The following TNFRSF9 variants were observed in gnomAD, a reference collection of about 807,000 sequenced individuals.
TNFRSF9 encodes TNF receptor superfamily member 9.
TNFRSF9 carries 16 observed loss-of-function variants against 28.8 expected under a neutral mutation model. That is an observed-to-expected ratio of 0.55 (90% CI 0.38 to 0.84). The LOEUF (loss-of-function observed/expected upper bound fraction) is 0.84, where lower values mean the gene tolerates loss of function less well. TNFRSF9 is among the 40% of genes least tolerant of loss of function. TNFRSF9 has a pLI of 0.00. For missense variants in TNFRSF9, 303 were observed against 315.0 expected, an observed-to-expected ratio of 0.96 and a Z score of 0.29; for synonymous variants, 131 against 117.0, an observed-to-expected ratio of 1.12 and a Z score of -0.77.
intron 6 of TNFRSF9, 77 bp from the exon 7 acceptor site, chr1:7,933,373 G>A: frequency 1.3e-6 from 2 of 1,482,318 alleles, no homozygotes; most frequent in Non-Finnish European, 1.8e-6. Context: ...ATTTACATTG[G>A]TAAATTTCTA....
intron 5 of TNFRSF9, 55 bp downstream of exon 5, chr1:7,937,635 C>T (rs1256597081): frequency 6.8e-7 from 1 of 1,473,828 alleles, no homozygotes; most frequent in Admixed American, 1.7e-5. Context: ...TCCTTATCTT[C>T]CAAAAAATTT....
rs1351150562 is a variant in TNFRSF9 at position 7,916,835 on chromosome 1, C to G, written c.*4000G>C. On this transcript the variant is annotated 3_prime_UTR_variant, in exon 8 of 8. Transcript: ENST00000377507. ...AAATTATCAACTCTCCCTAAATTGA[C>G]CTGTAGATTTAATGAAATTCCAATC... 1 of 152,144 alleles carries G rather than the reference C, an allele frequency of 6.6e-6. No individual in the cohort carries two copies. Among genetic ancestry groups the G allele is most frequent in the East Asian group, 1.9e-4 (1 of 5,202 alleles). The allele number at this position is 152,144 out of a possible 1,614,324, so 9.4% of individuals were successfully genotyped here.
In TNFRSF9 at chr1:7,931,609, T is replaced by C. The variant is rs187307306; in HGVS notation, c.679+1553A>G. Among the ~76,000 whole-genome samples, 19 of 152,340 alleles carry C rather than the reference T, an allele frequency of 1.2e-4. 1 individual carries two copies. The East Asian group carries it at 2.7e-3, about 22-fold the overall frequency. Reference sequence around the variant, plus strand: ...CTACAGCAAAAGGAAGTTAATACCATACAAGTCTAGATGTGGTTAGCAGTA... The same window carrying C: ...CTACAGCAAAAGGAAGTTAATACCACACAAGTCTAGATGTGGTTAGCAGTA... On this transcript the variant is annotated intron_variant, in intron 7 of 7. Transcript: ENST00000377507.
At chr1:7,932,994 A>C in intron 7 of TNFRSF9, 168 bp downstream of exon 7, 1 of 758,146 alleles carries the variant, frequency 1.3e-6, no homozygotes, top group South Asian at 2.0e-5. Flanking sequence ...TGAACACTGC[A>C]ACTGTCTCCA....
At position 7,927,498 on chromosome 1, in the gene TNFRSF9, C is replaced by A. The variant is rs9658018; in HGVS notation, c.679+5664G>T. On this transcript the variant is annotated intron_variant, in intron 7 of 7. Coordinates refer to ENST00000377507, the MANE Select transcript of TNFRSF9 (RefSeq NM_001561.6). Reference sequence around the variant, plus strand: ...CGTCTTTTATTCCCGCTTTTGCCCCCCTTTGTTCAGTCCAATAGGTCCACA... The same window carrying A: ...CGTCTTTTATTCCCGCTTTTGCCCCACTTTGTTCAGTCCAATAGGTCCACA... Among the ~76,000 whole-genome samples the A allele has an allele frequency of 3.3e-3, 495 of 152,186 alleles. 1 individual carries two copies. Among genetic ancestry groups the A allele is most frequent in the African/African-American group, 0.011 (467 of 41,510 alleles).
At position 7,916,391 on chromosome 1, in the gene TNFRSF9, G is replaced by T. The variant is rs1639478312; in HGVS notation, c.*4444C>A. ...CAAGTTCCTGTGTTTTTCATTTATA[G>T]CTTTTGCACATGATACCAGAATAGG... On this transcript the variant is annotated 3_prime_UTR_variant, in exon 8 of 8. Coordinates refer to ENST00000377507, the MANE Select transcript of TNFRSF9 (RefSeq NM_001561.6). 1 of 152,134 alleles carries T rather than the reference G, an allele frequency of 6.6e-6. No homozygotes were observed. 9.4% of individuals were successfully genotyped at this position (152,134 alleles called of 1,614,324 possible).
intron 7 of TNFRSF9, among the ~76,000 whole-genome samples, chr1:7,921,394 G>A (rs1246270916): frequency 2.0e-5 from 3 of 148,586 alleles, no homozygotes; most frequent in African/African-American, 7.5e-5. Context: ...CAGGCCGGGC[G>A]CAGTGGCTCA....
intron 7 of TNFRSF9, among the ~76,000 whole-genome samples, chr1:7,930,984 T>C (rs1273428831): frequency 6.6e-6 from 1 of 152,144 alleles, no homozygotes; most frequent in Non-Finnish European, 1.5e-5. Flanking sequence ...ATCAGGCCCT[T>C]CACTAAAGAG....
chr1:7,938,852 T>C, intron 2 of TNFRSF9, 24 bp from the exon 3 acceptor site: 1 of 1,554,190 alleles, frequency 6.4e-7, no homozygotes, highest in African/African-American at 1.4e-5. Context: ...ACAATAGTGG[T>C]ACACGTTTGA....
rs1639843948 is a variant in TNFRSF9 at position 7,937,859 on chromosome 1, G to C, written c.347-103C>G. 6.1e-6 allele frequency: 6 copies of C among 987,814 alleles called. No individual in the cohort carries two copies. The South Asian group carries it at 9.0e-5, about 15-fold the overall frequency. The allele number at this position is 987,814 out of a possible 1,614,324, so 61.2% of individuals were successfully genotyped here. A position where few individuals can be genotyped will look rare whatever the true frequency, so the allele number is the denominator to read the frequency against. On this transcript the variant is annotated intron_variant, in intron 4 of 7. Transcript: ENST00000377507. ...ATAAGTCATTACCATAATGCAATCT[G>C]CACAAATTGTTCAATAATTCTTGAA... is the stretch of plus-strand genomic sequence containing the variant.
In TNFRSF9 at chr1:7,938,197, T is replaced by G. The variant is rs1374314541; in HGVS notation, c.342A>C (p.Lys114Asn). Reference sequence around the variant, plus strand: ...ATCAAAGAAACGCAAACGTACCTTTTTTTGTCAGTTCTTGACCTTGTTTAC... The same window carrying G: ...ATCAAAGAAACGCAAACGTACCTTTGTTTGTCAGTTCTTGACCTTGTTTAC... ...QDCKQGQELT[K>N]KGCKDCCFGT... The change falls in exon 4 of 8, where the codon AAA (lysine) becomes AAC (asparagine). Residue 114 changes from lysine (K) to asparagine (N), a missense_variant. By Grantham distance (94) the Lys-to-Asn change is moderately conservative. Coordinates refer to ENST00000377507, the MANE Select transcript of TNFRSF9 (RefSeq NM_001561.6). The G allele has an allele frequency of 6.3e-7, 1 of 1,579,494 alleles. No homozygotes were observed. The highest frequency in any genetic ancestry group is 1.2e-5 in the South Asian group (1 of 85,802).
Position 7,933,272 on chromosome 1 carries a change from A to G in TNFRSF9, c.569T>C (p.Phe190Ser). 1 of 1,613,736 alleles carries G rather than the reference A, an allele frequency of 6.2e-7. No individual in the cohort carries two copies. The highest frequency in any genetic ancestry group is 8.5e-7 in the Non-Finnish European group (1 of 1,179,754). ...EPGHSPQIIS[F>S]FLALTSTALL... is the part of the protein sequence containing the mutation. ...CGCAGTCGACGTCAGCGCAAGAAAG[A>G]AGGAGATGATCTGCGGAGAGTGTCC... Residue 190 changes from phenylalanine to serine, a missense_variant, in exon 7 of 8, where the codon TTC (phenylalanine) becomes TCC (serine). Transcript: ENST00000377507.
At chr1:7,931,987 T>C (rs1291943099) in intron 7 of TNFRSF9, among the ~76,000 whole-genome samples, 1 of 152,070 alleles carries the variant, frequency 6.6e-6, no homozygotes, top group Non-Finnish European at 1.5e-5. Flanking sequence ...CTACTAAAAA[T>C]GCAAAATTAG....
Position 7,916,455 on chromosome 1 carries a change from C to T in TNFRSF9, c.*4380G>A, listed in dbSNP as rs747978793. The T allele has an allele frequency of 2.6e-5, 4 of 152,176 alleles. No homozygotes were observed. The highest frequency in any genetic ancestry group is 5.9e-5 in the Non-Finnish European group (4 of 68,038). 9.4% of individuals were successfully genotyped at this position (152,176 alleles called of 1,614,324 possible). ...ATCACAGTCTGTATCATAAACATAGCCTCCTTTCTTCACAGAATAAACTGT... is the reference window on the plus strand; with the variant it reads ...ATCACAGTCTGTATCATAAACATAGTCTCCTTTCTTCACAGAATAAACTGT... On this transcript the variant is annotated 3_prime_UTR_variant, in exon 8 of 8. Coordinates refer to ENST00000377507, the MANE Select transcript of TNFRSF9 (RefSeq NM_001561.6).
chr1:7,924,188 G>A (rs1000750606), intron 7 of TNFRSF9, among the ~76,000 whole-genome samples: 35 of 151,850 alleles, frequency 2.3e-4, no homozygotes, highest in African/African-American at 7.7e-4. Flanking sequence ...TGTAGCATAT[G>A]CAATTATGTA....
chr1:7,938,141 TAA>T lies in TNFRSF9; in HGVS notation c.346+50_346+51del. 2.7e-6 allele frequency: 4 copies of T among 1,472,040 alleles called. No homozygotes were observed. In the South Asian group the frequency reaches 5.8e-5, roughly 21 times the overall value. The allele number at this position is 1,472,040 out of a possible 1,614,324, so 91.2% of individuals were successfully genotyped here. On this transcript the variant is annotated intron_variant, in intron 4 of 7. Transcript: ENST00000377507. Reference sequence around the variant, plus strand: ...ATTTTCAAAGGATCAAGATCAAAGCTAAGTTTGTCTATGTCACAAAACTACAC... The same window carrying T: ...ATTTTCAAAGGATCAAGATCAAAGCTGTTTGTCTATGTCACAAAACTACAC...
At chr1:7,933,326 T>C (rs778597342) in intron 6 of TNFRSF9, 30 bp from the exon 7 acceptor site, 4 of 1,603,746 alleles carry the variant, frequency 2.5e-6, no homozygotes, top group East Asian at 4.5e-5. Flanking sequence ...GAGAAACGCA[T>C]GCAGAAATGT....
intron 7 of TNFRSF9, among the ~76,000 whole-genome samples, chr1:7,924,787 T>C (rs1481929377): frequency 6.6e-6 from 1 of 152,116 alleles, no homozygotes; most frequent in Non-Finnish European, 1.5e-5. Context: ...TGGGACAAGA[T>C]GTGGAGGTGG....
intron 5 of TNFRSF9, among the ~76,000 whole-genome samples, chr1:7,935,467 C>T (rs1639802764): frequency 6.6e-6 from 1 of 152,180 alleles, no homozygotes; most frequent in African/African-American, 2.4e-5. Flanking sequence ...CCAGCACTAG[C>T]ATCAGGCAAA....
Sources: gnomAD v4.1 joint callset for allele counts (sites outside exome capture counted in the v4.1 genomes callset) on GRCh38, gnomAD v4.1.1 for gene constraint, MANE v1.5 for transcripts, NCBI Gene and HGNC (gene_info 2026-07-23, HGNC 2026-07-21) for gene names.